The following DPP6 variants were observed in gnomAD, a reference collection of about 807,000 sequenced individuals.
DPP6 encodes dipeptidyl peptidase like 6.
In DPP6, 69 loss-of-function variants were observed where a neutral mutation model predicts 122.6. The observed-to-expected ratio is 0.56, with a 90% CI of 0.46 to 0.69. The LOEUF (loss-of-function observed/expected upper bound fraction) is 0.69, where lower values mean the gene tolerates loss of function less well. DPP6 is among the 30% of genes least tolerant of loss of function. The pLI, the probability that DPP6 is intolerant of heterozygous loss-of-function variation, is 0.00. For missense variants in DPP6, 928 were observed against 1,116.9 expected (o/e 0.83, Z 2.41); for synonymous variants, 418 against 433.1 (o/e 0.97, Z 0.43).
chr7:154,009,989 A>C (rs1011551506), intron 1 of DPP6, among the ~76,000 whole-genome samples: 3 of 152,264 alleles, frequency 2.0e-5, no homozygotes, highest in Non-Finnish European at 4.4e-5. Context: ...GGTAATTAAA[A>C]GTAGATACAG....
rs1843633406 is a variant in DPP6, at chr7:154,755,800, A to G, written c.884-13617A>G. Among the ~76,000 whole-genome samples, 1 of 152,238 alleles carries G rather than the reference A, an allele frequency of 6.6e-6. No homozygotes were observed. Among genetic ancestry groups the G allele is most frequent in the Non-Finnish European group, 1.5e-5 (1 of 68,040 alleles). On this transcript the variant is annotated intron_variant, in intron 8 of 25. Transcript: ENST00000377770. This position sits in a 1 kb window ranked among gnomAD's most constrained non-coding sequence, Gnocchi z 4.7. Reference sequence around the variant, plus strand: ...GATGTTGCCGAGCCCTTGGGTTGGAAGAGGTCGGAGTGGGGCGCGTCCCAG... The same window carrying G: ...GATGTTGCCGAGCCCTTGGGTTGGAGGAGGTCGGAGTGGGGCGCGTCCCAG...
At chr7:154,044,987 C>A (rs1799950455) in intron 1 of DPP6, among the ~76,000 whole-genome samples, 1 of 151,970 alleles carries the variant, frequency 6.6e-6, no homozygotes, top group African/African-American at 2.4e-5. Flanking sequence ...TGCTAAGGTA[C>A]AAAATCAGAG....
At chr7:154,391,600 C>A (rs1814623515) in intron 1 of DPP6, among the ~76,000 whole-genome samples, 1 of 152,192 alleles carries the variant, frequency 6.6e-6, no homozygotes, top group Admixed American at 6.5e-5. Flanking sequence ...AATAACCCTC[C>A]CCTGTGGTTC....
chr7:154,628,638 GA>G (rs1213580533), intron 5 of DPP6, among the ~76,000 whole-genome samples: 1 of 152,060 alleles, frequency 6.6e-6, no homozygotes, highest in Admixed American at 6.5e-5. Flanking sequence ...CATTATTAGA[GA>G]TGAGCTCGTT....
At chr7:154,023,935 G>A (rs888228478) in intron 1 of DPP6, among the ~76,000 whole-genome samples, 1 of 152,086 alleles carries the variant, frequency 6.6e-6, no homozygotes, top group Non-Finnish European at 1.5e-5. Context: ...TAGAATTTAG[G>A]GGTGCCCAAC....
At chr7:154,405,278 T>A (rs759651455) in intron 1 of DPP6, among the ~76,000 whole-genome samples, 1 of 152,206 alleles carries the variant, frequency 6.6e-6, no homozygotes, top group Non-Finnish European at 1.5e-5. Flanking sequence ...AAGGAAATGA[T>A]ACTAGGTGGA....
chr7:154,816,166 C>T (rs143659938), intron 16 of DPP6, among the ~76,000 whole-genome samples: 5 of 152,236 alleles, frequency 3.3e-5, no homozygotes, highest in South Asian at 2.1e-4. Flanking sequence ...TCCTGAAAAT[C>T]GGAGGAATAA....
intron 1 of DPP6, among the ~76,000 whole-genome samples, chr7:154,180,793 T>G (rs1389013291): frequency 6.6e-6 from 1 of 152,148 alleles, no homozygotes; most frequent in African/African-American, 2.4e-5. Context: ...GATTAACAGT[T>G]TCTTGTGATG....
At chr7:154,367,947 C>T (rs1812322213) in intron 1 of DPP6, among the ~76,000 whole-genome samples, 1 of 152,158 alleles carries the variant, frequency 6.6e-6, no homozygotes, top group Admixed American at 6.5e-5. Flanking sequence ...GCTGTGATTA[C>T]AGGCACCTGC....
chr7:154,253,766 A>G (rs983656658), intron 1 of DPP6, among the ~76,000 whole-genome samples: 2 of 152,238 alleles, frequency 1.3e-5, no homozygotes, highest in African/African-American at 2.4e-5. Flanking sequence ...TCACACTGTG[A>G]TAACTACCTG....
At chr7:153,985,982 A>G (rs1238940972) in intron 1 of DPP6, among the ~76,000 whole-genome samples, 2 of 152,236 alleles carry the variant, frequency 1.3e-5, no homozygotes, top group Admixed American at 6.5e-5. Context: ...GAGTAATCAC[A>G]GACACCCACA....
At chr7:154,591,608 C>A (rs1232510854) in intron 5 of DPP6, among the ~76,000 whole-genome samples, 1 of 152,132 alleles carries the variant, frequency 6.6e-6, no homozygotes, top group African/African-American at 2.4e-5. Context: ...TTCCTCAGAT[C>A]CATGGGTCCC....
At chr7:154,669,555 TGTGTG>T in intron 7 of DPP6, 114 bp downstream of exon 7, 3 of 1,418,408 alleles carry the variant, frequency 2.1e-6, no homozygotes, top group Non-Finnish European at 2.8e-6. Context: ...TGTGTGTGTG[TGTGTG>T]TGTGTGTAAA....
intron 1 of DPP6, among the ~76,000 whole-genome samples, chr7:153,909,002 T>A (rs1183104122): frequency 5.9e-5 from 9 of 152,200 alleles, no homozygotes; most frequent in Admixed American, 5.2e-4. Context: ...TCTGCCCGCC[T>A]CAGCCTTCCA....
chr7:154,428,894 T>G (rs1324811789), intron 1 of DPP6, among the ~76,000 whole-genome samples: 1 of 152,094 alleles, frequency 6.6e-6, no homozygotes, highest in African/African-American at 2.4e-5. Flanking sequence ...ACATATTGGG[T>G]ACAACGTACA....
In DPP6 at chr7:154,052,568, C is replaced by T. The variant is rs896589111; in HGVS notation, c.-253C>T. The stretch of plus-strand genomic sequence containing the variant: ...AAACAGGAAAGAGAGAAAGCACAGC[C>T]AGAGCCCCGGCTTCGCGAGCCGCCG... On this transcript the variant is annotated 5_prime_UTR_variant, in exon 1 of 26. Coordinates refer to ENST00000377770, the MANE Select transcript of DPP6 (RefSeq NM_130797.4). The surrounding 1 kb of genome is among the most constrained non-coding windows in gnomAD (Gnocchi z 4.8). The T allele has an allele frequency of 8.7e-6, 10 of 1,153,818 alleles. No individual in the cohort carries two copies. In the African/African-American group the frequency reaches 9.9e-5, roughly 11 times the overall value. The allele number at this position is 1,153,818 out of a possible 1,614,324, so 71.5% of individuals were successfully genotyped here.
chr7:153,904,064 A>G (rs779361574), intron 1 of DPP6, among the ~76,000 whole-genome samples: 2 of 151,950 alleles, frequency 1.3e-5, no homozygotes, highest in Non-Finnish European at 2.9e-5. Context: ...TGTTGTTGTC[A>G]TTTTTGAGAT....
In DPP6 at chr7:154,527,903, A is replaced by T. The variant is rs183078719; in HGVS notation, c.458-12629A>T. Among the ~76,000 whole-genome samples, 7 of 152,244 alleles carry T rather than the reference A, an allele frequency of 4.6e-5. No homozygotes were observed. The East Asian group carries it at 1.3e-3, about 29-fold the overall frequency. On this transcript the variant is annotated intron_variant, in intron 3 of 25. Coordinates refer to ENST00000377770, the MANE Select transcript of DPP6 (RefSeq NM_130797.4). ...AGTAAACAACATATAAAATCAGCTGATCTATGATACTATGAGTAAATAACT... is the reference window on the plus strand; with the variant it reads ...AGTAAACAACATATAAAATCAGCTGTTCTATGATACTATGAGTAAATAACT...
the DPP6 span, among the ~76,000 whole-genome samples, chr7:153,834,837 C>T: frequency 6.6e-6 from 1 of 152,180 alleles, no homozygotes; most frequent in South Asian, 2.1e-4. Context: ...GTAGGTACAT[C>T]TTAATGCTAA....
Sources: allele counts gnomAD v4.1 joint callset (sites outside exome capture counted in the v4.1 genomes callset), GRCh38; gene constraint gnomAD v4.1.1; non-coding constraint Gnocchi (gnomAD v3.1); transcripts MANE v1.5; gene names NCBI Gene and HGNC (gene_info 2026-07-23, HGNC 2026-07-21).